Variants in EPB41L1 observed in about 807,000 individuals in gnomAD.
The protein encoded by EPB41L1 is erythrocyte membrane protein band 4.1 like 1.
Under a neutral mutation model 97.8 loss-of-function variants are expected in EPB41L1, and 29 were observed. That is an observed-to-expected ratio of 0.30 (90% CI 0.22 to 0.40). EPB41L1 has a LOEUF of 0.40. Ranked by LOEUF, EPB41L1 falls within the 10% of genes least tolerant of loss-of-function variation. The pLI is 1.00. For synonymous variants in EPB41L1, 383 were observed against 459.2 expected (o/e 0.83, Z 2.12); for missense variants, 812 against 1,162.3 (o/e 0.70, Z 4.38).
At chr20:36,169,719 C>T (rs915441293) in intron 1 of EPB41L1, among the ~76,000 whole-genome samples, 4 of 152,220 alleles carry the variant, frequency 2.6e-5, no homozygotes, top group African/African-American at 9.6e-5. Context: ...TAAATGGCTC[C>T]CTTTTTTCAA....
At chr20:36,211,413 A>G (rs554199359) in intron 15 of EPB41L1, among the ~76,000 whole-genome samples, 1 of 151,902 alleles carries the variant, frequency 6.6e-6, no homozygotes, top group African/African-American at 2.4e-5. Context: ...ACAAAACTAT[A>G]CTCAGAGGTC....
intron 2 of EPB41L1, among the ~76,000 whole-genome samples, chr20:36,139,305 C>T (rs79125475): frequency 1.3e-5 from 2 of 152,180 alleles, no homozygotes; most frequent in African/African-American, 2.4e-5. Context: ...AGTACAATTG[C>T]CTTTTTCTGA....
At chr20:36,198,196 G>C (rs894252088) in intron 14 of EPB41L1, among the ~76,000 whole-genome samples, 155 bp downstream of exon 14, 12 of 152,188 alleles carry the variant, frequency 7.9e-5, no homozygotes, top group Non-Finnish European at 7.3e-5. Flanking sequence ...TAGGCTGAGG[G>C]AGATGAATTC....
At chr20:36,196,605 A>G (rs2062216806) in intron 13 of EPB41L1, among the ~76,000 whole-genome samples, 1 of 152,204 alleles carries the variant, frequency 6.6e-6, no homozygotes, top group Non-Finnish European at 1.5e-5. Flanking sequence ...GTAGCTTAGG[A>G]GTCAGCCATA....
At chr20:36,108,146 AT>A (rs1474938531) in intron 1 of EPB41L1, among the ~76,000 whole-genome samples, 4 of 151,582 alleles carry the variant, frequency 2.6e-5, no homozygotes, top group Non-Finnish European at 5.9e-5. Context: ...ACCCAGCTAA[AT>A]TTTTTTATTT....
At position 36,175,083 on chromosome 20, in the gene EPB41L1, G is replaced by A. The variant is rs548019647; in HGVS notation, c.178-468G>A. 2.6e-5 allele frequency among the ~76,000 whole-genome samples: 4 copies of A among 152,312 alleles called. No individual in the cohort carries two copies. The South Asian group carries it at 8.3e-4, about 32-fold the overall frequency. On this transcript the variant is annotated intron_variant, in intron 2 of 21. Transcript: ENST00000338074. ...AAGATCACTGAGGGCATCAGCAGTG[G>A]AGTTAGGACCCGGGGCGGGCGGCGG...
At chr20:36,096,381 G>A (rs889586526) in intron 1 of EPB41L1, among the ~76,000 whole-genome samples, 8 of 152,300 alleles carry the variant, frequency 5.3e-5, no homozygotes, top group African/African-American at 1.7e-4. Flanking sequence ...TGAGCGAGGG[G>A]TTTCCCTGAT....
At chr20:36,170,739 G>A (rs766626394) in intron 1 of EPB41L1, among the ~76,000 whole-genome samples, 8 of 152,150 alleles carry the variant, frequency 5.3e-5, no homozygotes, top group South Asian at 2.1e-4. Context: ...GAGGAACCAG[G>A]GAAACCTGGT....
chr20:36,190,750 A>T lies in EPB41L1; in HGVS notation c.1253A>T (p.Glu418Val). ...ATTGACCGGCCTGCACCCTTCTTTG[A>T]GCGTTCTTCCAGCAAACGGTACACC... ...ALIDRPAPFF[E>V]RSSSKRYTMS... Residue 418 changes from glutamate to valine, a missense_variant, in exon 11 of 22, where the codon GAG becomes GTG. Transcript: ENST00000338074. The surrounding 1 kb of genome is among the most constrained non-coding windows in gnomAD (Gnocchi z 5.8). 1 of 1,614,098 alleles carries T rather than the reference A, an allele frequency of 6.2e-7. No individual in the cohort carries two copies. The highest frequency in any genetic ancestry group is 1.1e-5 in the South Asian group (1 of 91,072).
chr20:36,163,384 G>A (rs138402771), intron 1 of EPB41L1, among the ~76,000 whole-genome samples: 1 of 152,220 alleles, frequency 6.6e-6, no homozygotes, highest in East Asian at 1.9e-4. Context: ...AAGCCTGTGA[G>A]GTATGTAAGT....
intron 1 of EPB41L1, among the ~76,000 whole-genome samples, chr20:36,111,655 C>T (rs960327646): frequency 3.9e-5 from 6 of 151,966 alleles, no homozygotes; most frequent in Non-Finnish European, 8.8e-5. Context: ...GGCGTTGTGG[C>T]GCACGCCTGT....
chr20:36,197,438 A>T (rs1264200730), intron 13 of EPB41L1, among the ~76,000 whole-genome samples: 1 of 152,146 alleles, frequency 6.6e-6, no homozygotes, highest in African/African-American at 2.4e-5. Context: ...AGGATTAGTG[A>T]GTTATTATAG....
rs2063007698 is a variant in EPB41L1, at chr20:36,209,452, C to T, written c.1669-36C>T. On this transcript the variant is annotated intron_variant, in intron 14 of 21. Transcript: ENST00000338074. This position sits in a 1 kb window ranked among gnomAD's most constrained non-coding sequence, Gnocchi z 4.2. ...TTCTCTTTCTCTCTCTCTCCCCACCCCACATCCCCATTCTTTTGATTTTAT... is the reference window on the plus strand; with the variant it reads ...TTCTCTTTCTCTCTCTCTCCCCACCTCACATCCCCATTCTTTTGATTTTAT... 2.5e-6 allele frequency: 4 copies of T among 1,607,012 alleles called. No homozygotes were observed. The South Asian group carries it at 4.4e-5, about 18-fold the overall frequency.
In EPB41L1 at chr20:36,175,728, T is replaced by C. The variant is rs1429844305; in HGVS notation, c.342+13T>C. 1 of 1,613,786 alleles carries C rather than the reference T, an allele frequency of 6.2e-7. No homozygotes were observed. Among genetic ancestry groups the C allele is most frequent in the South Asian group, 1.1e-5 (1 of 91,062 alleles). ...GTGTGAGGTGGAGGTAGGGGAGCAC[T>C]GAGTGCCATATGTCCCGTCCCCGGT... On this transcript the variant is annotated intron_variant, in intron 3 of 21. Transcript: ENST00000338074.
chr20:36,155,803 C>T (rs1467310907), intron 1 of EPB41L1: 3 of 375,406 alleles, frequency 8.0e-6, no homozygotes, highest in Admixed American at 3.1e-5. Context: ...CTTCTGGATC[C>T]GCATAGCACC....
intron 2 of EPB41L1, among the ~76,000 whole-genome samples, chr20:36,120,583 A>G (rs555765171): frequency 1.4e-4 from 21 of 152,302 alleles, no homozygotes; most frequent in African/African-American, 4.8e-4. Context: ...TGAGCCCTGG[A>G]CAACCAGATT....
At chr20:36,116,625 A>T (rs1435359518) in intron 2 of EPB41L1, among the ~76,000 whole-genome samples, 1 of 152,190 alleles carries the variant, frequency 6.6e-6, no homozygotes, top group Non-Finnish European at 1.5e-5. Context: ...CAGACAGCAC[A>T]GTGCTCCAGG....
At chr20:36,139,793 A>G (rs964510290) in intron 2 of EPB41L1, among the ~76,000 whole-genome samples, 1 of 151,088 alleles carries the variant, frequency 6.6e-6, no homozygotes, top group Admixed American at 6.6e-5. Context: ...GTGCAATGGT[A>G]CGATCTGGGC....
chr20:36,118,009 G>A (rs2058638868), intron 2 of EPB41L1, among the ~76,000 whole-genome samples: 1 of 152,202 alleles, frequency 6.6e-6, no homozygotes, highest in Non-Finnish European at 1.5e-5. Context: ...TTGTTAGGGG[G>A]GCATCCCTCT....
Sources: gnomAD v4.1 joint callset for allele counts (sites outside exome capture counted in the v4.1 genomes callset) on GRCh38, gnomAD v4.1.1 for gene constraint, Gnocchi (gnomAD v3.1) non-coding constraint, MANE v1.5 for transcripts, NCBI Gene and HGNC (gene_info 2026-07-23, HGNC 2026-07-21) for gene names.